AASS: variants seen among roughly 807,000 people sequenced by gnomAD.
AASS encodes the protein alpha-aminoadipic semialdehyde synthase, mitochondrial.
A neutral mutation model predicts 105.4 loss-of-function variants in AASS; 86 were observed. The ratio of observed to expected loss-of-function variants is 0.82; its 90% CI spans 0.69 to 0.98. AASS has a LOEUF of 0.98. Ranked by LOEUF, AASS falls within the 50% of genes least tolerant of loss-of-function variation. The pLI is 0.00. For synonymous variants in AASS, 381 were observed against 394.8 expected (o/e 0.96, Z 0.41); for missense variants, 1,048 against 1,143.2 (o/e 0.92, Z 1.20).
intron 11 of AASS, among the ~76,000 whole-genome samples, chr7:122,112,005 C>A (rs1392824509): frequency 1.3e-5 from 2 of 152,166 alleles, no homozygotes; most frequent in Admixed American, 1.3e-4. Context: ...GTGCCCTGCT[C>A]AAGGTTATAA....
intron 19 of AASS, 102 bp from the exon 20 acceptor site, chr7:122,081,697 A>T (rs1793333575): frequency 1.2e-6 from 1 of 807,524 alleles, no homozygotes; most frequent in Non-Finnish European, 2.1e-6. Flanking sequence ...ACTAATTTAG[A>T]AAACTGTTTA....
At chr7:122,124,676 T>C (rs1483877723) in intron 4 of AASS, among the ~76,000 whole-genome samples, 1 of 152,198 alleles carries the variant, frequency 6.6e-6, no homozygotes, top group Non-Finnish European at 1.5e-5. Context: ...ATCCTATTCA[T>C]GGATGTGGTC....
intron 13 of AASS, among the ~76,000 whole-genome samples, chr7:122,100,134 C>A (rs1794356649): frequency 6.6e-6 from 1 of 151,860 alleles, no homozygotes; most frequent in Non-Finnish European, 1.5e-5. Context: ...AAAATGCAAC[C>A]TTTGTTATCA....
intron 12 of AASS, 25 bp from the exon 13 acceptor site, chr7:122,101,463 T>G (rs1453151566): frequency 1.3e-6 from 2 of 1,585,348 alleles, no homozygotes; most frequent in Non-Finnish European, 1.7e-6. Context: ...CACAAGACAT[T>G]TCTTTAGTAT....
In AASS at chr7:122,117,079, G is replaced by A. The variant is rs573491171; in HGVS notation, c.688-122C>T. The stretch of plus-strand genomic sequence containing the variant: ...GCTCCACTTGCCTTCCCTACAACCA[G>A]GACTGCAACACAGAAATACAGATGA... On this transcript the variant is annotated intron_variant, in intron 6 of 23. Coordinates refer to ENST00000417368, the MANE Select transcript of AASS (RefSeq NM_005763.4). 9 of 856,354 alleles carry A rather than the reference G, an allele frequency of 1.1e-5. No homozygotes were observed. In the South Asian group the frequency reaches 1.1e-4, roughly 11 times the overall value. The allele number at this position is 856,354 out of a possible 1,614,324, so 53.0% of individuals were successfully genotyped here. A position where few individuals can be genotyped will look rare whatever the true frequency, so the allele number is the denominator to read the frequency against.
At chr7:122,130,656 C>A (rs1795866758) in intron 2 of AASS, among the ~76,000 whole-genome samples, 1 of 151,764 alleles carries the variant, frequency 6.6e-6, no homozygotes, top group Non-Finnish European at 1.5e-5. Context: ...AGAGGTATAA[C>A]CCAAGCAGAA....
chr7:122,075,232 A>G lies in AASS; in HGVS notation c.*1257T>C, dbSNP rs529002815. Among the ~76,000 whole-genome samples, 1 of 152,340 alleles carries G rather than the reference A, an allele frequency of 6.6e-6. No individual in the cohort carries two copies. Among genetic ancestry groups the G allele is most frequent in the African/African-American group, 2.4e-5 (1 of 41,570 alleles). Reference sequence around the variant, plus strand: ...TTTTTGATTTATTCATTGATACTATATTGAAAGATAACCAATTTCTGCATA... The same window carrying G: ...TTTTTGATTTATTCATTGATACTATGTTGAAAGATAACCAATTTCTGCATA... On this transcript the variant is annotated 3_prime_UTR_variant, in exon 24 of 24. Transcript: ENST00000417368.
chr7:122,132,531 T>C (rs1037927890), intron 2 of AASS, among the ~76,000 whole-genome samples: 2 of 152,120 alleles, frequency 1.3e-5, no homozygotes, highest in Non-Finnish European at 1.5e-5. Flanking sequence ...AAGGGTGATA[T>C]AGACTTTAAC....
In AASS at chr7:122,092,897, C is replaced by T. The variant is rs1793974880; in HGVS notation, c.1821G>A (p.Leu607=). ...IIGELGLDPG[L]DHMLAMETID... Reference sequence around the variant, plus strand: ...TTGTTTCCATTGCTAACATGTGATCCAGACCAGGGTCCAATCCCAATTCAC... The same window carrying T: ...TTGTTTCCATTGCTAACATGTGATCTAGACCAGGGTCCAATCCCAATTCAC... Residue 607 remains leucine (L), a synonymous_variant, in exon 17 of 24, where the codon CTG becomes CTA. Transcript: ENST00000417368. 1.4e-5 allele frequency: 22 copies of T among 1,613,886 alleles called. No homozygotes were observed. The highest frequency in any genetic ancestry group is 2.7e-5 in the African/African-American group (2 of 74,984).
chr7:122,081,951 A>G (rs1793351766), intron 19 of AASS, among the ~76,000 whole-genome samples: 1 of 152,186 alleles, frequency 6.6e-6, no homozygotes, highest in Non-Finnish European at 1.5e-5. Flanking sequence ...CGGGCAGCAT[A>G]AGGGCAAATT....
chr7:122,115,659 C>T (rs1278962958), intron 8 of AASS, among the ~76,000 whole-genome samples: 1 of 152,080 alleles, frequency 6.6e-6, no homozygotes, highest in African/African-American at 2.4e-5. Context: ...CAAAGGAATG[C>T]TGTGAAGATT....
At chr7:122,125,210 A>G (rs1043696549) in intron 4 of AASS, among the ~76,000 whole-genome samples, 1 of 152,120 alleles carries the variant, frequency 6.6e-6, no homozygotes, top group Non-Finnish European at 1.5e-5. Context: ...ATGAGCCACC[A>G]TACCCTGCCT....
intron 15 of AASS, among the ~76,000 whole-genome samples, chr7:122,096,625 C>CA (rs965833342): frequency 2.7e-5 from 4 of 145,860 alleles, no homozygotes; most frequent in Non-Finnish European, 6.0e-5. Flanking sequence ...GAGACTGTCT[C>CA]AAAAAAAAGA....
intron 12 of AASS, 58 bp from the exon 13 acceptor site, chr7:122,101,496 A>C (rs560719508): frequency 6.6e-7 from 1 of 1,516,394 alleles, no homozygotes; most frequent in South Asian, 1.1e-5. Flanking sequence ...CCTACAAACA[A>C]GGTGTCATGA....
At chr7:122,101,134 T>C (rs970561393) in intron 13 of AASS, among the ~76,000 whole-genome samples, 1 of 150,798 alleles carries the variant, frequency 6.6e-6, no homozygotes, top group African/African-American at 2.5e-5. Context: ...TGCTTACCCA[T>C]ACGTCTACAC....
chr7:122,073,646 A>C lies in AASS; in HGVS notation c.*2843T>G, dbSNP rs1365188779. The stretch of plus-strand genomic sequence containing the variant: ...CAATTCAGTGGTTTTTAGTATATTC[A>C]GAGTTGTGCCACCATTACCACAATC... On this transcript the variant is annotated 3_prime_UTR_variant, in exon 24 of 24. Coordinates refer to ENST00000417368, the MANE Select transcript of AASS (RefSeq NM_005763.4). Among the ~76,000 whole-genome samples the C allele has an allele frequency of 2.0e-5, 3 of 152,206 alleles. No individual in the cohort carries two copies. The highest frequency in any genetic ancestry group is 7.2e-5 in the African/African-American group (3 of 41,470).
chr7:122,095,682 A>ATTCTTTT (rs1794118954), intron 15 of AASS, among the ~76,000 whole-genome samples: 1 of 151,776 alleles, frequency 6.6e-6, no homozygotes, highest in Non-Finnish European at 1.5e-5. Context: ...GCAGAATAAA[A>ATTCTTTT]TTGTGTATGT....
At chr7:122,105,130 C>T (rs1469217598) in intron 11 of AASS, among the ~76,000 whole-genome samples, 1 of 151,762 alleles carries the variant, frequency 6.6e-6, no homozygotes, top group African/African-American at 2.4e-5. Context: ...TCACAAGAGA[C>T]AAAGAAAGTC....
intron 2 of AASS, among the ~76,000 whole-genome samples, chr7:122,130,233 TTTAAA>T (rs1795850206): frequency 6.6e-6 from 1 of 152,040 alleles, no homozygotes; most frequent in African/African-American, 2.4e-5. Flanking sequence ...AATATGAGAA[TTTAAA>T]TTAATCTGAA....
Sources: gnomAD v4.1 joint callset for allele counts (sites outside exome capture counted in the v4.1 genomes callset) on GRCh38, gnomAD v4.1.1 for gene constraint, MANE v1.5 for transcripts, NCBI Gene and HGNC (gene_info 2026-07-23, HGNC 2026-07-21) for gene names.